Variants in VAV3 observed in about 807,000 individuals in gnomAD.
VAV3 encodes vav guanine nucleotide exchange factor 3.
VAV3 carries 94 observed loss-of-function variants against 131.2 expected under a neutral mutation model. The ratio of observed to expected loss-of-function variants is 0.72; its 90% confidence interval spans 0.61 to 0.85. VAV3 has a LOEUF of 0.85. Ranked by LOEUF, VAV3 falls within the 40% of genes least tolerant of loss-of-function variation. The pLI, the probability that VAV3 is intolerant of heterozygous loss-of-function variation, is 0.00. For synonymous variants in VAV3, 349 were observed against 342.0 expected (o/e 1.02, Z -0.22); for missense variants, 939 against 1,002.7 (o/e 0.94, Z 0.86).
intron 2 of VAV3, among the ~76,000 whole-genome samples, chr1:107,839,841 T>C (rs567292609): frequency 5.4e-4 from 82 of 152,034 alleles, no homozygotes; most frequent in African/African-American, 2.0e-3. Context: ...AAAGGAGAGA[T>C]CATTACTACT....
At chr1:107,719,732 T>C (rs1661366071) in intron 15 of VAV3, among the ~76,000 whole-genome samples, 1 of 152,208 alleles carries the variant, frequency 6.6e-6, no homozygotes, top group East Asian at 1.9e-4. Flanking sequence ...GGATTATAAA[T>C]CATGCTACTA....
At chr1:107,592,721 A>C (rs577552551) in intron 25 of VAV3, among the ~76,000 whole-genome samples, 12 of 152,268 alleles carry the variant, frequency 7.9e-5, no homozygotes, top group African/African-American at 2.9e-4. Context: ...CTCATTCATC[A>C]GATGAGAAAG....
intron 19 of VAV3, among the ~76,000 whole-genome samples, chr1:107,679,816 G>A (rs1658476385): frequency 6.6e-6 from 1 of 152,156 alleles, no homozygotes; most frequent in Admixed American, 6.5e-5. Flanking sequence ...TGAAATAATT[G>A]ATATGTCTGT....
intron 19 of VAV3, among the ~76,000 whole-genome samples, chr1:107,681,816 G>A (rs1487906153): frequency 6.6e-6 from 1 of 151,806 alleles, no homozygotes; most frequent in Non-Finnish European, 1.5e-5. Context: ...ACCACCCCCA[G>A]CTATTTTTTT....
chr1:107,764,284 T>C (rs1003219221), intron 9 of VAV3, among the ~76,000 whole-genome samples: 6 of 148,410 alleles, frequency 4.0e-5, no homozygotes, highest in Non-Finnish European at 8.9e-5. Context: ...ATCTCATCTG[T>C]CAAAGCTCAT....
At chr1:107,631,969 T>C (rs1275370799) in intron 20 of VAV3, among the ~76,000 whole-genome samples, 1 of 152,086 alleles carries the variant, frequency 6.6e-6, no homozygotes, top group Non-Finnish European at 1.5e-5. Context: ...GCAGCATGAT[T>C]TATAATCTTT....
intron 20 of VAV3, among the ~76,000 whole-genome samples, chr1:107,635,548 A>C (rs1025372178): frequency 4.6e-5 from 7 of 152,058 alleles, no homozygotes; most frequent in African/African-American, 7.2e-5. Context: ...TGCAGCACAC[A>C]AACATGGCAC....
chr1:107,810,559 A>G (rs957733958), intron 2 of VAV3, among the ~76,000 whole-genome samples: 2 of 152,234 alleles, frequency 1.3e-5, no homozygotes, highest in East Asian at 3.8e-4. Flanking sequence ...TCACAGTCCC[A>G]TCTGAATTTT....
intron 2 of VAV3, among the ~76,000 whole-genome samples, chr1:107,790,679 C>CTTTTTTTTT (rs145926469): frequency 4.3e-5 from 3 of 69,840 alleles, no homozygotes; most frequent in African/African-American, 5.8e-5. Context: ...AAATGTCTTC[C>CTTTTTTTTT]TTTTTTTTTT....
intron 1 of VAV3, among the ~76,000 whole-genome samples, chr1:107,909,578 G>T (rs943385928): frequency 2.0e-5 from 3 of 152,066 alleles, no homozygotes; most frequent in Admixed American, 1.3e-4. Context: ...ATCACATACA[G>T]CATAGAATTG....
chr1:107,715,183 G>A (rs1167779508), intron 15 of VAV3, among the ~76,000 whole-genome samples: 1 of 152,114 alleles, frequency 6.6e-6, no homozygotes, highest in Non-Finnish European at 1.5e-5. Context: ...AGGAGTGGGA[G>A]AAGAGGGATC....
chr1:107,798,494 G>A (rs554928389), intron 2 of VAV3, among the ~76,000 whole-genome samples: 131 of 151,990 alleles, frequency 8.6e-4, no homozygotes, highest in African/African-American at 1.0e-3. Context: ...TGAGGTGGGC[G>A]GATCATGAGG....
At chr1:107,602,556 A>G (rs1340860377) in intron 23 of VAV3, 72 bp from the exon 24 acceptor site, 12 of 1,177,272 alleles carry the variant, frequency 1.0e-5, no homozygotes, top group Admixed American at 2.9e-5. Context: ...ACCAGAGGGC[A>G]TGCCCCAATA....
chr1:107,957,740 G>C (rs995196484), intron 1 of VAV3, among the ~76,000 whole-genome samples: 2 of 152,010 alleles, frequency 1.3e-5, no homozygotes, highest in African/African-American at 4.8e-5. Context: ...AGAAGGGGAT[G>C]ATCAGTAACA....
chr1:107,961,826 T>G (rs1256053299), intron 1 of VAV3, among the ~76,000 whole-genome samples: 2 of 152,218 alleles, frequency 1.3e-5, no homozygotes, highest in African/African-American at 4.8e-5. Context: ...TTATTAAGAT[T>G]CCAAGATTCA....
chr1:107,935,264 T>C (rs1673651339), intron 1 of VAV3, among the ~76,000 whole-genome samples: 2 of 152,218 alleles, frequency 1.3e-5, no homozygotes, highest in African/African-American at 4.8e-5. Context: ...GTTATTTGAT[T>C]TCATTCAAGT....
chr1:107,771,098 G>GTTT (rs772203983), intron 5 of VAV3, among the ~76,000 whole-genome samples: 1 of 152,102 alleles, frequency 6.6e-6, no homozygotes, highest in Non-Finnish European at 1.5e-5. Context: ...ATTTGGCAAA[G>GTTT]TAAGTAAAGA....
chr1:107,921,403 A>G (rs753441274), intron 1 of VAV3, among the ~76,000 whole-genome samples: 7 of 152,240 alleles, frequency 4.6e-5, no homozygotes, highest in Non-Finnish European at 5.9e-5. Context: ...GAACTGGGGA[A>G]AGGTAAACAT....
chr1:107,574,344 C>A, intron 25 of VAV3, 146 bp from the exon 26 acceptor site: 2 of 976,358 alleles, frequency 2.0e-6, no homozygotes, highest in Non-Finnish European at 1.4e-6. Flanking sequence ...AGCTTGAAAG[C>A]AGCAGAATTG....
Sources: gnomAD v4.1 joint callset for allele counts (sites outside exome capture counted in the v4.1 genomes callset) on GRCh38, gnomAD v4.1.1 for gene constraint, MANE v1.5 for transcripts, NCBI Gene and HGNC (gene_info 2026-07-23, HGNC 2026-07-21) for gene names.